LRRFIP1: variants seen among roughly 807,000 people sequenced by gnomAD.
The protein encoded by LRRFIP1 is leucine-rich repeat flightless-interacting protein 1.
A neutral mutation model predicts 104.4 loss-of-function variants in LRRFIP1; 62 were observed. That is an observed-to-expected ratio of 0.59 (90% CI 0.48 to 0.73). The LOEUF (loss-of-function observed/expected upper bound fraction) is 0.73. Ranked by LOEUF, LRRFIP1 falls within the 30% of genes least tolerant of loss-of-function variation. The pLI, the probability that LRRFIP1 is intolerant of heterozygous loss-of-function variation, is 0.00. For missense variants in LRRFIP1, 796 were observed against 824.5 expected, an observed-to-expected ratio of 0.97 and a Z score of 0.42; for synonymous variants, 300 against 299.0, an observed-to-expected ratio of 1.00 and a Z score of -0.03.
intron 1 of LRRFIP1, among the ~76,000 whole-genome samples, chr2:237,631,587 C>T (rs1231237337): frequency 6.6e-6 from 1 of 152,192 alleles, no homozygotes; most frequent in African/African-American, 2.4e-5. Context: ...AAGGCATGAG[C>T]TGCGCCTCCC....
intron 1 of LRRFIP1, among the ~76,000 whole-genome samples, chr2:237,683,126 C>T (rs577249263): frequency 1.3e-4 from 20 of 152,234 alleles, no homozygotes; most frequent in Non-Finnish European, 2.9e-4. Flanking sequence ...GTCAGGGGAC[C>T]CTGCTCTTTA....
At chr2:237,656,638 C>T (rs2086864367) in intron 1 of LRRFIP1, among the ~76,000 whole-genome samples, 1 of 152,148 alleles carries the variant, frequency 6.6e-6, no homozygotes, top group African/African-American at 2.4e-5. Flanking sequence ...ATCCATGTGA[C>T]TCACGTATGA....
rs2061406706 is a variant in LRRFIP1, at chr2:237,780,369, T to A, written c.*837T>A. 6.6e-6 allele frequency: 1 copy of A among 152,204 alleles called. No individual in the cohort carries two copies. Among genetic ancestry groups the A allele is most frequent in the African/African-American group, 2.4e-5 (1 of 41,446 alleles). The allele number at this position is 152,204 out of a possible 1,614,324, so 9.4% of individuals were successfully genotyped here. A position where few individuals can be genotyped will look rare whatever the true frequency, so the allele number is the denominator to read the frequency against. On this transcript the variant is annotated 3_prime_UTR_variant, in exon 24 of 24. Coordinates refer to ENST00000308482, the MANE Select transcript of LRRFIP1 (RefSeq NM_001137550.2). ...AGAAAGAAGATCTTTAATTTCATAT[T>A]AATGGTTCTGTATATTTTGGGTCAT...
chr2:237,694,330 A>T (rs1051435218), intron 1 of LRRFIP1, among the ~76,000 whole-genome samples: 2 of 152,192 alleles, frequency 1.3e-5, no homozygotes, highest in Non-Finnish European at 2.9e-5. Context: ...AACCTGTAGG[A>T]GCTTTTCTTG....
intron 10 of LRRFIP1, among the ~76,000 whole-genome samples, chr2:237,737,182 G>A (rs1250343004): frequency 1.3e-5 from 2 of 152,208 alleles, no homozygotes; most frequent in African/African-American, 2.4e-5. Flanking sequence ...ACAAAGCTGG[G>A]ACGTAGTCAT....
At chr2:237,708,823 T>TG in intron 2 of LRRFIP1, 193 bp downstream of exon 2, 2 of 709,590 alleles carry the variant, frequency 2.8e-6, no homozygotes, top group Non-Finnish European at 5.2e-6. Flanking sequence ...CAGGCGTGCC[T>TG]GCTCAGACCT....
intron 19 of LRRFIP1, among the ~76,000 whole-genome samples, chr2:237,767,209 C>G (rs1327487991): frequency 2.0e-5 from 3 of 152,096 alleles, no homozygotes; most frequent in Admixed American, 6.6e-5. Context: ...AGAAAGTTGA[C>G]TTAGCTATAC....
At chr2:237,755,585 A>G (rs1044324059) in intron 15 of LRRFIP1, among the ~76,000 whole-genome samples, 2 of 152,240 alleles carry the variant, frequency 1.3e-5, no homozygotes, top group Admixed American at 1.3e-4. Context: ...TTAATTTGAC[A>G]GTAAGTCATC....
At position 237,673,236 on chromosome 2, in the gene LRRFIP1, C is replaced by T. The variant is rs554850932; in HGVS notation, c.97-35308C>T. ...AAGGCTCTAAGTCACCACCAGGCGG[C>T]ATAACAGACCTCTGTGTCCCTGGTC... On this transcript the variant is annotated intron_variant, in intron 1 of 23. Transcript: ENST00000308482. Among the ~76,000 whole-genome samples, 17 of 152,358 alleles carry T rather than the reference C, an allele frequency of 1.1e-4. No individual in the cohort carries two copies. In the South Asian group the frequency reaches 2.7e-3, roughly 24 times the overall value.
At position 237,779,599 on chromosome 2, in the gene LRRFIP1, C is replaced by T. The variant is rs2061371639; in HGVS notation, c.*67C>T. 4.3e-6 allele frequency: 6 copies of T among 1,409,794 alleles called. No individual in the cohort carries two copies. The highest frequency in any genetic ancestry group is 5.0e-6 in the Non-Finnish European group (5 of 1,003,398). The allele number at this position is 1,409,794 out of a possible 1,614,324, so 87.3% of individuals were successfully genotyped here. ...ATTGTTTCATAGGCTTTTCTCTGTCCTATCTGGGAGCGCTGCTTCTTCCCC... is the reference window on the plus strand; with the variant it reads ...ATTGTTTCATAGGCTTTTCTCTGTCTTATCTGGGAGCGCTGCTTCTTCCCC... On this transcript the variant is annotated 3_prime_UTR_variant, in exon 24 of 24. Transcript: ENST00000308482.
chr2:237,753,871 GTGTA>G (rs2058956490), intron 15 of LRRFIP1, among the ~76,000 whole-genome samples: 2 of 149,132 alleles, frequency 1.3e-5, no homozygotes, highest in Non-Finnish European at 3.0e-5. Context: ...GATATATCGT[GTGTA>G]TGTATGTATA....
intron 1 of LRRFIP1, among the ~76,000 whole-genome samples, chr2:237,632,715 G>A (rs1575005575): frequency 1.3e-5 from 2 of 152,110 alleles, no homozygotes; most frequent in Admixed American, 6.5e-5. Context: ...CCAGAAGTGG[G>A]GTTCAGTGTG....
chr2:237,662,953 C>T (rs1385560167), intron 1 of LRRFIP1, among the ~76,000 whole-genome samples: 2 of 152,182 alleles, frequency 1.3e-5, no homozygotes, highest in Admixed American at 6.5e-5. Flanking sequence ...ATAAACCGCT[C>T]CTTAATCTGC....
chr2:237,768,698 C>CT (rs2060389707), intron 19 of LRRFIP1: 1 of 151,862 alleles, frequency 6.6e-6, no homozygotes, highest in Admixed American at 6.6e-5. Context: ...CTGGTGTTTA[C>CT]TGTGCCTTTC....
intron 1 of LRRFIP1, among the ~76,000 whole-genome samples, chr2:237,672,356 A>C (rs2090483233): frequency 6.6e-6 from 1 of 152,194 alleles, no homozygotes; most frequent in South Asian, 2.1e-4. Flanking sequence ...ATCACTTTAG[A>C]GAGTGAGGAT....
intron 11 of LRRFIP1, among the ~76,000 whole-genome samples, chr2:237,747,930 CAAAAAAAGGAG>C (rs2058087431): frequency 6.6e-6 from 1 of 150,432 alleles, no homozygotes; most frequent in Non-Finnish European, 1.5e-5. Context: ...AACAAACAAA[CAAAAAAAGGAG>C]AAAAAAAGAA....
intron 14 of LRRFIP1, 62 bp from the exon 15 acceptor site, chr2:237,753,247 T>C (rs1424993625): frequency 4.1e-5 from 54 of 1,320,192 alleles, no homozygotes; most frequent in Non-Finnish European, 5.4e-5. Flanking sequence ...AACAGAATAC[T>C]GAATGATTCT....
intron 1 of LRRFIP1, among the ~76,000 whole-genome samples, chr2:237,654,829 C>T (rs1266745558): frequency 6.6e-6 from 1 of 152,152 alleles, no homozygotes; most frequent in Non-Finnish European, 1.5e-5. Context: ...GGATTACAGG[C>T]GTGAGCCACC....
At chr2:237,681,017 A>G (rs1308369255) in intron 1 of LRRFIP1, among the ~76,000 whole-genome samples, 2 of 152,066 alleles carry the variant, frequency 1.3e-5, no homozygotes, top group Admixed American at 1.3e-4. Flanking sequence ...GAAAAAAAAC[A>G]AATAGACTCC....
Sources: allele counts gnomAD v4.1 joint callset (sites outside exome capture counted in the v4.1 genomes callset), GRCh38; gene constraint gnomAD v4.1.1; transcripts MANE v1.5; gene names NCBI Gene and HGNC (gene_info 2026-07-23, HGNC 2026-07-21).